The following PIK3AP1 variants were observed in gnomAD, a reference collection of about 807,000 sequenced individuals.
PIK3AP1 encodes the protein phosphoinositide 3-kinase adapter protein 1.
In PIK3AP1, 21 loss-of-function variants were observed where a neutral mutation model predicts 88.1. The ratio of observed to expected loss-of-function variants is 0.24; its 90% CI spans 0.17 to 0.34. The LOEUF is 0.34. Ranked by LOEUF, PIK3AP1 falls within the 10% of genes least tolerant of loss-of-function variation. The probability of loss-of-function intolerance (pLI) is 1.00; values close to 1 mark genes in which losing one functional copy is unlikely to be tolerated. For synonymous variants in PIK3AP1, 398 were observed against 400.0 expected (o/e 1.00, Z 0.06); for missense variants, 828 against 1,035.7 (o/e 0.80, Z 2.75).
intron 2 of PIK3AP1, 39 bp from the exon 3 acceptor site, chr10:96,656,973 AAGG>A (rs771429996): frequency 5.0e-6 from 8 of 1,608,430 alleles, no homozygotes; most frequent in South Asian, 4.4e-5. Context: ...GAACGGCAGG[AAGG>A]AGAACTGTGG....
intron 2 of PIK3AP1, among the ~76,000 whole-genome samples, chr10:96,697,846 T>G (rs1423909116): frequency 6.6e-6 from 1 of 152,232 alleles, no homozygotes; most frequent in Non-Finnish European, 1.5e-5. Context: ...ATCAACAGTT[T>G]TTTGTATATC....
intron 8 of PIK3AP1, chr10:96,633,226 C>A: frequency 4.3e-6 from 3 of 700,036 alleles, no homozygotes; most frequent in Non-Finnish European, 6.3e-6. Context: ...TGCAATTTAC[C>A]AATCAGGAGC....
At chr10:96,640,592 C>T (rs1363809454) in intron 8 of PIK3AP1, among the ~76,000 whole-genome samples, 1 of 152,034 alleles carries the variant, frequency 6.6e-6, no homozygotes, top group Non-Finnish European at 1.5e-5. Flanking sequence ...ATAAGCTTGT[C>T]CTTAATAAAG....
intron 2 of PIK3AP1, among the ~76,000 whole-genome samples, chr10:96,663,946 C>A (rs1277601386): frequency 6.6e-6 from 1 of 152,152 alleles, no homozygotes; most frequent in African/African-American, 2.4e-5. Flanking sequence ...AAACTTTAAA[C>A]AGTGCAGGGT....
Position 96,623,548 on chromosome 10 carries a change from A to G in PIK3AP1, c.1670-11T>C. 6.3e-7 allele frequency: 1 copy of G among 1,590,258 alleles called. No homozygotes were observed. The highest frequency in any genetic ancestry group is 1.1e-5 in the South Asian group (1 of 90,576). ...TTTTTTCTGCAAAAACTATGAGATA[A>G]AGAATATTCTGATTACTGAAAAAGT... On this transcript the variant is annotated splice_polypyrimidine_tract_variant and intron_variant, in intron 10 of 16. Transcript: ENST00000339364.
intron 9 of PIK3AP1, 23 bp downstream of exon 9, chr10:96,628,375 C>T (rs1038936241): frequency 6.4e-7 from 1 of 1,557,302 alleles, no homozygotes; most frequent in Non-Finnish European, 8.9e-7. Flanking sequence ...CTTTTGGCTT[C>T]CCTGCTCATG....
intron 2 of PIK3AP1, among the ~76,000 whole-genome samples, chr10:96,666,874 C>T (rs1463919130): frequency 6.6e-6 from 1 of 152,012 alleles, no homozygotes; most frequent in Non-Finnish European, 1.5e-5. Flanking sequence ...ATCCACTCCC[C>T]ACCCCCAGGT....
At chr10:96,661,792 T>TAGGACAGGAC (rs138792870) in intron 2 of PIK3AP1, among the ~76,000 whole-genome samples, 1,524 of 141,324 alleles carry the variant, frequency 0.011, 32 homozygotes, top group African/African-American at 0.039. Flanking sequence ...AAGGACAGGA[T>TAGGACAGGAC]AGGACAGGAC....
intron 2 of PIK3AP1, among the ~76,000 whole-genome samples, chr10:96,695,258 C>T (rs1296589089): frequency 6.6e-6 from 1 of 152,160 alleles, no homozygotes; most frequent in Non-Finnish European, 1.5e-5. Flanking sequence ...AATGCCAGAT[C>T]CTGCAACAGA....
chr10:96,696,101 A>G (rs1013217032), intron 2 of PIK3AP1, among the ~76,000 whole-genome samples: 1 of 152,214 alleles, frequency 6.6e-6, no homozygotes, highest in Non-Finnish European at 1.5e-5. Flanking sequence ...AATGGTCCCA[A>G]GAGTTAGGAA....
At position 96,648,812 on chromosome 10, in the gene PIK3AP1, C is replaced by T. The variant is rs562494094; in HGVS notation, c.1032G>A (p.Ala344=). ...EELPTLLHFA[A]KYGLKNLTAL... is the part of the protein sequence containing the mutation. ...CAGTGAGGTTCTTCAGTCCATACTT[C>T]GCAGCAAAATGCAACAGGGTGGGCA... is the stretch of plus-strand genomic sequence containing the variant. Residue 344 remains alanine (A), a synonymous_variant, in exon 7 of 17, where the codon GCG becomes GCA. Coordinates refer to ENST00000339364, the MANE Select transcript of PIK3AP1 (RefSeq NM_152309.3). The T allele has an allele frequency of 2.3e-5, 36 of 1,596,518 alleles. No individual in the cohort carries two copies. The highest frequency in any genetic ancestry group is 1.4e-4 in the East Asian group (6 of 43,018).
intron 11 of PIK3AP1, 39 bp from the exon 12 acceptor site, chr10:96,620,596 A>C (rs1161567587): frequency 1.9e-6 from 3 of 1,571,486 alleles, no homozygotes; most frequent in Middle Eastern, 4.6e-4. Context: ...CAGCTCCCCC[A>C]CTGGGGACCA....
At chr10:96,650,631 A>G (rs183374220) in intron 6 of PIK3AP1, among the ~76,000 whole-genome samples, 54 of 152,336 alleles carry the variant, frequency 3.5e-4, no homozygotes, top group African/African-American at 1.2e-3. Context: ...GTGCCAAAGC[A>G]GGTGAATGGA....
chr10:96,597,181 T>C (rs1266472870), intron 16 of PIK3AP1, among the ~76,000 whole-genome samples: 1 of 152,178 alleles, frequency 6.6e-6, no homozygotes, highest in Non-Finnish European at 1.5e-5. Flanking sequence ...TTTGGGGTTA[T>C]AGGAGAAAGC....
At chr10:96,675,134 C>G (rs1417977463) in intron 2 of PIK3AP1, among the ~76,000 whole-genome samples, 1 of 151,392 alleles carries the variant, frequency 6.6e-6, no homozygotes, top group Non-Finnish European at 1.5e-5. Context: ...CTCAGGTGAT[C>G]TGCCTGCCTC....
At chr10:96,667,512 C>T (rs1843781163) in intron 2 of PIK3AP1, among the ~76,000 whole-genome samples, 1 of 152,076 alleles carries the variant, frequency 6.6e-6, no homozygotes, top group South Asian at 2.1e-4. Context: ...ATTTTACAGC[C>T]AAAATCTAAG....
At chr10:96,667,264 G>A (rs575574136) in intron 2 of PIK3AP1, among the ~76,000 whole-genome samples, 15 of 152,270 alleles carry the variant, frequency 9.9e-5, no homozygotes, top group African/African-American at 2.9e-4. Context: ...CTCAGTTGGC[G>A]CTCTGGAAGG....
intron 2 of PIK3AP1, among the ~76,000 whole-genome samples, chr10:96,666,186 G>A (rs906011784): frequency 3.5e-4 from 53 of 152,154 alleles, no homozygotes; most frequent in African/African-American, 1.2e-3. Flanking sequence ...TTGGGAGGCC[G>A]AGGCGGGAGG....
In PIK3AP1 at chr10:96,703,819, T is replaced by C. The variant is rs1844329437; in HGVS notation, c.430+5748A>G. ...TCTTCTTAGAAAACTTATAATGGTA[T>C]ATTACAGTGCTGGAGGCTGAAAGAA... On this transcript the variant is annotated intron_variant, in intron 2 of 16. Transcript: ENST00000339364. 1.3e-5 allele frequency among the ~76,000 whole-genome samples: 2 copies of C among 152,224 alleles called. 1 individual carries two copies. Among genetic ancestry groups the C allele is most frequent in the Non-Finnish European group, 2.9e-5 (2 of 68,048 alleles).
Sources: allele counts gnomAD v4.1 joint callset (sites outside exome capture counted in the v4.1 genomes callset), GRCh38; gene constraint gnomAD v4.1.1; transcripts MANE v1.5; gene names NCBI Gene and HGNC (gene_info 2026-07-23, HGNC 2026-07-21).